Variants in RUBCNL observed in about 807,000 individuals in gnomAD.
RUBCNL encodes rubicon like autophagy enhancer.
Under a neutral mutation model 69.5 loss-of-function variants are expected in RUBCNL, and 62 were observed. The observed-to-expected ratio is 0.89, with a 90% CI of 0.73 to 1.10. RUBCNL has a LOEUF of 1.10. Among genes scored for constraint, RUBCNL ranks in the 50% least tolerant of loss-of-function variants. RUBCNL has a pLI of 0.00. For missense variants in RUBCNL, 768 were observed against 798.1 expected, an observed-to-expected ratio of 0.96 and a Z score of 0.45; for synonymous variants, 291 against 303.6, an observed-to-expected ratio of 0.96 and a Z score of 0.43.
chr13:46,359,667 A>C, intron 8 of RUBCNL, 36 bp from the exon 9 acceptor site: 1 of 1,485,400 alleles, frequency 6.7e-7, no homozygotes. Flanking sequence ...GAACAACTTA[A>C]GCATATTTCA....
At chr13:46,365,120 T>C (rs940814049) in intron 5 of RUBCNL, among the ~76,000 whole-genome samples, 1 of 151,630 alleles carries the variant, frequency 6.6e-6, no homozygotes, top group Non-Finnish European at 1.5e-5. Context: ...CTGGCCAACA[T>C]GGTGAAAGCT....
chr13:46,349,272 G>A lies in RUBCNL; in HGVS notation c.1631+14C>T. The stretch of plus-strand genomic sequence containing the variant: ...TATGGAGGGAAGGCAGCCTGTCCCA[G>A]CTGAGAATAGTACCTGTTAGCAAAC... On this transcript the variant is annotated intron_variant, in intron 12 of 14. Coordinates refer to ENST00000429979, the MANE Select transcript of RUBCNL (RefSeq NM_025113.5). 6.2e-7 allele frequency: 1 copy of A among 1,612,206 alleles called. No individual in the cohort carries two copies. Among genetic ancestry groups the A allele is most frequent in the Non-Finnish European group, 8.5e-7 (1 of 1,178,464 alleles).
Position 46,339,335 on chromosome 13 carries a change from T to C in RUBCNL, c.*4050A>G, listed in dbSNP as rs117253607. Among the ~76,000 whole-genome samples the C allele has an allele frequency of 2.6e-3, 397 of 152,342 alleles. 13 individuals carry two copies. The East Asian group carries it at 0.072, about 28-fold the overall frequency. ...TTATTTAAAGACAGAGATCCTTAAATGCTTGTTTTAAGGAAGCACGCTTCT... is the reference window on the plus strand; with the variant it reads ...TTATTTAAAGACAGAGATCCTTAAACGCTTGTTTTAAGGAAGCACGCTTCT... On this transcript the variant is annotated 3_prime_UTR_variant, in exon 15 of 15. Coordinates refer to ENST00000429979, the MANE Select transcript of RUBCNL (RefSeq NM_025113.5).
At chr13:46,384,120 C>A (rs1386238936) in intron 1 of RUBCNL, among the ~76,000 whole-genome samples, 2 of 152,162 alleles carry the variant, frequency 1.3e-5, no homozygotes, top group Non-Finnish European at 2.9e-5. Context: ...AACCAAAAAA[C>A]CCCCAGATTT....
chr13:46,382,165 G>C (rs2049132195), intron 1 of RUBCNL, among the ~76,000 whole-genome samples: 1 of 152,064 alleles, frequency 6.6e-6, no homozygotes, highest in Non-Finnish European at 1.5e-5. Flanking sequence ...CTCAGTAACA[G>C]TATTTTTTAA....
intron 9 of RUBCNL, among the ~76,000 whole-genome samples, chr13:46,357,332 CAA>C (rs750289413): frequency 4.1e-4 from 22 of 53,300 alleles, no homozygotes; most frequent in African/African-American, 6.6e-4. Flanking sequence ...GACTCCGTCT[CAA>C]AAAAAAAAAA....
At chr13:46,349,141 G>A in intron 12 of RUBCNL, 145 bp downstream of exon 12, 1 of 664,312 alleles carries the variant, frequency 1.5e-6, no homozygotes, top group Non-Finnish European at 2.7e-6. Context: ...GTAATTCAAA[G>A]AGATGGCATG....
In RUBCNL at chr13:46,341,744, C is replaced by T. The variant is rs1261732865; in HGVS notation, c.*1641G>A. ...TTACCAGTTAAGGTTGTTTTTACTCCTTTGTCTTGAAAAGACACCACAAAA... is the reference window on the plus strand; with the variant it reads ...TTACCAGTTAAGGTTGTTTTTACTCTTTTGTCTTGAAAAGACACCACAAAA... On this transcript the variant is annotated 3_prime_UTR_variant, in exon 15 of 15. Coordinates refer to ENST00000429979, the MANE Select transcript of RUBCNL (RefSeq NM_025113.5). Among the ~76,000 whole-genome samples, 1 of 152,222 alleles carries T rather than the reference C, an allele frequency of 6.6e-6. No individual in the cohort carries two copies. Among genetic ancestry groups the T allele is most frequent in the Non-Finnish European group, 1.5e-5 (1 of 68,030 alleles).
intron 1 of RUBCNL, among the ~76,000 whole-genome samples, chr13:46,381,383 A>G (rs1024249680): frequency 3.9e-5 from 6 of 152,164 alleles, no homozygotes; most frequent in Non-Finnish European, 7.3e-5. Flanking sequence ...ATATATATAT[A>G]TATATAAAAT....
In RUBCNL at chr13:46,340,011, C is replaced by T. The variant is rs114003767; in HGVS notation, c.*3374G>A. Among the ~76,000 whole-genome samples, 675 of 152,050 alleles carry T rather than the reference C, an allele frequency of 4.4e-3. 6 individuals carry two copies. The highest frequency in any genetic ancestry group is 0.015 in the African/African-American group (631 of 41,472). On this transcript the variant is annotated 3_prime_UTR_variant, in exon 15 of 15. Coordinates refer to ENST00000429979, the MANE Select transcript of RUBCNL (RefSeq NM_025113.5). ...GAAGAATCTGCCCCCTGCCTCTCTC[C>T]GGCTTCTGGGGGCTGCCAGCAATTC...
chr13:46,383,668 G>A (rs531225902), intron 1 of RUBCNL, among the ~76,000 whole-genome samples: 10 of 152,288 alleles, frequency 6.6e-5, no homozygotes, highest in Middle Eastern at 3.4e-3. Context: ...TGGAGGATGG[G>A]GGTAGGGTGA....
rs2048100249 is a variant in RUBCNL, at chr13:46,335,491, G to C, written c.*7894C>G. Among the ~76,000 whole-genome samples, 6 of 152,232 alleles carry C rather than the reference G, an allele frequency of 3.9e-5. No individual in the cohort carries two copies. The highest frequency in any genetic ancestry group is 2.6e-4 in the Admixed American group (4 of 15,288). On this transcript the variant is annotated 3_prime_UTR_variant, in exon 15 of 15. Coordinates refer to ENST00000429979, the MANE Select transcript of RUBCNL (RefSeq NM_025113.5). Reference sequence around the variant, plus strand: ...TTTATAAACATTCTGGTGTTGTGTGGAGAATGGACTATAGAGGGGCAAGTG... The same window carrying C: ...TTTATAAACATTCTGGTGTTGTGTGCAGAATGGACTATAGAGGGGCAAGTG...
intron 2 of RUBCNL, among the ~76,000 whole-genome samples, chr13:46,375,317 G>C (rs1303737811): frequency 6.6e-6 from 1 of 152,214 alleles, no homozygotes; most frequent in Non-Finnish European, 1.5e-5. Flanking sequence ...TGGAGAACCT[G>C]AAGTCAGGAG....
rs1409628968 is a variant in RUBCNL, at chr13:46,343,438, TC to T, written c.1935del (p.Arg646GlyfsTer42). The stretch of plus-strand genomic sequence containing the variant: ...AGAAGTTTTCTCCTCGCTGTGATCC[TC>T]GCACACCGGGGGCACTCGGAGGACT... ...CFQSSECPRC[A>X]RITARRKLLE... is the part of the protein sequence containing the mutation. On this transcript the variant is annotated frameshift_variant, in exon 15 of 15. Transcript: ENST00000429979. LOFTEE classifies it low-confidence loss of function (END_TRUNC). 6.2e-7 allele frequency: 1 copy of T among 1,613,974 alleles called. No individual in the cohort carries two copies. Among genetic ancestry groups the T allele is most frequent in the African/African-American group, 1.3e-5 (1 of 75,038 alleles).
Position 46,341,679 on chromosome 13 carries a change from A to T in RUBCNL, c.*1706T>A, listed in dbSNP as rs1453493992. Among the ~76,000 whole-genome samples, 1 of 152,190 alleles carries T rather than the reference A, an allele frequency of 6.6e-6. No homozygotes were observed. Among genetic ancestry groups the T allele is most frequent in the Admixed American group, 6.5e-5 (1 of 15,280 alleles). ...CTTAAATCAACACTGATGTGAGAAA[A>T]CACTCTGCCCAATGCCACTTCTGCA... is the stretch of plus-strand genomic sequence containing the variant. On this transcript the variant is annotated 3_prime_UTR_variant, in exon 15 of 15. Coordinates refer to ENST00000429979, the MANE Select transcript of RUBCNL (RefSeq NM_025113.5).
chr13:46,365,825 G>C (rs1363872206), intron 5 of RUBCNL, among the ~76,000 whole-genome samples: 5 of 152,220 alleles, frequency 3.3e-5, no homozygotes, highest in Non-Finnish European at 7.3e-5. Flanking sequence ...AGCCATTATA[G>C]AGGACAAAAA....
At position 46,339,028 on chromosome 13, in the gene RUBCNL, C is replaced by T. The variant is rs2048122450; in HGVS notation, c.*4357G>A. Among the ~76,000 whole-genome samples, 1 of 143,652 alleles carries T rather than the reference C, an allele frequency of 7.0e-6. No homozygotes were observed. The highest frequency in any genetic ancestry group is 1.5e-5 in the Non-Finnish European group (1 of 66,646). 94.2% of individuals were successfully genotyped at this position (143,652 alleles called of 152,430 possible). On this transcript the variant is annotated 3_prime_UTR_variant, in exon 15 of 15. Transcript: ENST00000429979. ...GCCAACTGCACTCCAGCCTGGGCGA[C>T]AGAGCGAGACCCTGTCTCAAAAAAA...
chr13:46,357,951 T>C (rs1052052168), intron 9 of RUBCNL, among the ~76,000 whole-genome samples: 1 of 152,208 alleles, frequency 6.6e-6, no homozygotes, highest in Non-Finnish European at 1.5e-5. Flanking sequence ...TCTATTGAAC[T>C]GTTTATCCCA....
intron 10 of RUBCNL, among the ~76,000 whole-genome samples, chr13:46,353,095 TC>T (rs2048406080): frequency 6.6e-6 from 1 of 152,286 alleles, no homozygotes; most frequent in African/African-American, 2.4e-5. Context: ...AGCCATCATG[TC>T]CCACTCCTCC....
Sources: allele counts gnomAD v4.1 joint callset (sites outside exome capture counted in the v4.1 genomes callset), GRCh38; gene constraint gnomAD v4.1.1; transcripts MANE v1.5; gene names NCBI Gene and HGNC (gene_info 2026-07-23, HGNC 2026-07-21).